Variants in EZH2 observed in about 807,000 individuals in gnomAD.
EZH2 encodes enhancer of zeste 2 polycomb repressive complex 2 subunit.
Under a neutral mutation model 98.4 loss-of-function variants are expected in EZH2, and 18 were observed. The observed-to-expected ratio is 0.18, with a 90% CI of 0.13 to 0.27. The LOEUF is 0.27. Among genes scored for constraint, EZH2 ranks in the 10% least tolerant of loss-of-function variants. The pLI, the probability that EZH2 is intolerant of heterozygous loss-of-function variation, is 1.00. For synonymous variants in EZH2, 338 were observed against 312.3 expected (o/e 1.08, Z -0.87); for missense variants, 470 against 935.1 (o/e 0.50, Z 6.49).
chr7:148,819,341 G>C (rs1485596163), intron 9 of EZH2, among the ~76,000 whole-genome samples: 1 of 152,192 alleles, frequency 6.6e-6, no homozygotes, highest in Non-Finnish European at 1.5e-5. Flanking sequence ...AGGCATAAAA[G>C]TCCTTGATCC....
chr7:148,809,917 TC>T (rs1802557269), intron 17 of EZH2, among the ~76,000 whole-genome samples: 1 of 152,236 alleles, frequency 6.6e-6, no homozygotes. Flanking sequence ...CAGCTGCCTT[TC>T]CTCTCAGTCC....
chr7:148,828,978 A>T, intron 5 of EZH2, 98 bp from the exon 6 acceptor site: 1 of 1,155,512 alleles, frequency 8.7e-7, no homozygotes, highest in Non-Finnish European at 1.2e-6. Flanking sequence ...ATAGCCTAGT[A>T]ACTGGCACTA....
At chr7:148,874,873 G>T (rs1819967039) in intron 1 of EZH2, among the ~76,000 whole-genome samples, 2 of 151,120 alleles carry the variant, frequency 1.3e-5, no homozygotes, top group Admixed American at 1.3e-4. Flanking sequence ...CTCCAGCCTG[G>T]GGGACAGAGC....
chr7:148,813,928 A>G (rs767831233), intron 15 of EZH2, 31 bp downstream of exon 15: 2 of 1,596,484 alleles, frequency 1.3e-6, no homozygotes, highest in Non-Finnish European at 1.7e-6. Flanking sequence ...GCTAACTACA[A>G]ACAATCTTCC....
At chr7:148,869,192 G>A (rs1818960840) in intron 1 of EZH2, among the ~76,000 whole-genome samples, 1 of 141,808 alleles carries the variant, frequency 7.1e-6, no homozygotes, top group Non-Finnish European at 1.5e-5. Context: ...TATAACCACT[G>A]GATTAAATGC....
chr7:148,833,605 T>G (rs1454535472), intron 3 of EZH2, among the ~76,000 whole-genome samples: 1 of 152,246 alleles, frequency 6.6e-6, no homozygotes, highest in Non-Finnish European at 1.5e-5. Flanking sequence ...GGTTTGTGTT[T>G]CAATCACAAC....
intron 5 of EZH2, among the ~76,000 whole-genome samples, chr7:148,829,371 T>C (rs986448434): frequency 3.9e-5 from 6 of 152,174 alleles, no homozygotes; most frequent in Admixed American, 3.3e-4. Context: ...GTAGGGGCTG[T>C]TGGAGCCCCT....
At chr7:148,853,495 G>A (rs1002763822) in intron 1 of EZH2, among the ~76,000 whole-genome samples, 2 of 152,132 alleles carry the variant, frequency 1.3e-5, no homozygotes, top group Non-Finnish European at 2.9e-5. Flanking sequence ...TCACGCTTCC[G>A]TGAGAATCTA....
At position 148,832,618 on chromosome 7, in the gene EZH2, T is replaced by G; in HGVS notation, c.363+16A>C. 1 of 1,267,388 alleles carries G rather than the reference T, an allele frequency of 7.9e-7. No homozygotes were observed. The highest frequency in any genetic ancestry group is 1.4e-5 in the South Asian group (1 of 70,928). The allele number at this position is 1,267,388 out of a possible 1,614,324, so 78.5% of individuals were successfully genotyped here. ...AAGTTATTATCAAATAAGCAGAAGATATCTTATTTACATACCATAAAATTC... is the reference window on the plus strand; with the variant it reads ...AAGTTATTATCAAATAAGCAGAAGAGATCTTATTTACATACCATAAAATTC... On this transcript the variant is annotated intron_variant, in intron 4 of 19. Transcript: ENST00000320356.
intron 19 of EZH2, among the ~76,000 whole-genome samples, chr7:148,808,047 C>A (rs764402328): frequency 1.3e-5 from 2 of 152,126 alleles, no homozygotes; most frequent in Non-Finnish European, 2.9e-5. Context: ...TTAGGCCTGA[C>A]GCTGGGAAGG....
At chr7:148,879,139 C>T (rs1820591020) in intron 1 of EZH2, among the ~76,000 whole-genome samples, 1 of 151,630 alleles carries the variant, frequency 6.6e-6, no homozygotes, top group Non-Finnish European at 1.5e-5. Flanking sequence ...GTAGGAGAAT[C>T]GCTTGAACCC....
intron 3 of EZH2, among the ~76,000 whole-genome samples, chr7:148,843,761 A>T (rs952895080): frequency 6.6e-6 from 1 of 151,440 alleles, no homozygotes; most frequent in Non-Finnish European, 1.5e-5. Context: ...ACGCCCGGCT[A>T]ATTTTTTGTA....
At position 148,858,209 on chromosome 7, in the gene EZH2, G is replaced by A. The variant is rs193119045; in HGVS notation, c.-7-10904C>T. Among the ~76,000 whole-genome samples the A allele has an allele frequency of 9.3e-3, 1,411 of 151,724 alleles. 17 individuals carry two copies. The highest frequency in any genetic ancestry group is 0.032 in the African/African-American group (1,333 of 41,386). On this transcript the variant is annotated intron_variant, in intron 1 of 19. Coordinates refer to ENST00000320356, the MANE Select transcript of EZH2 (RefSeq NM_004456.5). ...CGGGAGGCTGAGGCAGGAGAATGGCGTGAACCCGGGAGGCAGAGCTTGCAA... is the reference window on the plus strand; with the variant it reads ...CGGGAGGCTGAGGCAGGAGAATGGCATGAACCCGGGAGGCAGAGCTTGCAA...
rs572370446 is a variant in EZH2 at position 148,832,887 on chromosome 7, G to A, written c.247-137C>T. ...AGTCCTTACCTAGGACAGTAAAGTG[G>A]TCATATAAACCAAATAGGATTCTCT... On this transcript the variant is annotated intron_variant, in intron 3 of 19. Coordinates refer to ENST00000320356, the MANE Select transcript of EZH2 (RefSeq NM_004456.5). The A allele has an allele frequency of 6.2e-6, 3 of 482,264 alleles. No homozygotes were observed. In the East Asian group the frequency reaches 8.8e-5, roughly 14 times the overall value. 29.9% of individuals were successfully genotyped at this position (482,264 alleles called of 1,614,324 possible).
At chr7:148,827,689 C>T (rs1808115291) in intron 6 of EZH2, among the ~76,000 whole-genome samples, 1 of 152,184 alleles carries the variant, frequency 6.6e-6, no homozygotes, top group African/African-American at 2.4e-5. Context: ...TTTCACCCGC[C>T]AAATTATTCT....
chr7:148,864,407 G>T (rs1018570575), intron 1 of EZH2, among the ~76,000 whole-genome samples: 11 of 152,190 alleles, frequency 7.2e-5, no homozygotes, highest in Admixed American at 2.0e-4. Context: ...TTTCAGCTGG[G>T]GGCCATGGCT....
At chr7:148,852,898 G>A (rs1045377535) in intron 1 of EZH2, among the ~76,000 whole-genome samples, 1 of 151,974 alleles carries the variant, frequency 6.6e-6, no homozygotes, top group African/African-American at 2.4e-5. Flanking sequence ...TTAGTTCCAG[G>A]ACCCCCAACA....
intron 1 of EZH2, among the ~76,000 whole-genome samples, chr7:148,866,546 A>G (rs151245495): frequency 0.02 from 1,983 of 100,644 alleles, 28 homozygotes; most frequent in Middle Eastern, 0.056. Flanking sequence ...ACGTATATAC[A>G]TATATATACA....
chr7:148,857,696 A>G (rs1427275840), intron 1 of EZH2, among the ~76,000 whole-genome samples: 1 of 152,130 alleles, frequency 6.6e-6, no homozygotes, highest in East Asian at 1.9e-4. Context: ...GGCTGCAGTG[A>G]GCAGAGATCG....
Sources: allele counts gnomAD v4.1 joint callset (sites outside exome capture counted in the v4.1 genomes callset), GRCh38; gene constraint gnomAD v4.1.1; transcripts MANE v1.5; gene names NCBI Gene and HGNC (gene_info 2026-07-23, HGNC 2026-07-21).